The following PRKN variants were observed in gnomAD, a reference collection of about 807,000 sequenced individuals.
PRKN encodes the protein E3 ubiquitin-protein ligase parkin.
In PRKN, 56 loss-of-function variants were observed where a neutral mutation model predicts 59.5. That is an observed-to-expected ratio of 0.94 (90% CI 0.76 to 1.18). PRKN has a LOEUF of 1.18. PRKN is among the 50% of genes most tolerant of loss of function. PRKN has a pLI of 0.00. For synonymous variants in PRKN, 250 were observed against 222.1 expected, an observed-to-expected ratio of 1.13 and a Z score of -1.12; for missense variants, 657 against 596.4, an observed-to-expected ratio of 1.10 and a Z score of -1.06.
At chr6:161,845,371 A>G (rs1793158687) in intron 6 of PRKN, among the ~76,000 whole-genome samples, 1 of 152,204 alleles carries the variant, frequency 6.6e-6, no homozygotes, top group African/African-American at 2.4e-5. Context: ...GAAGCACTGA[A>G]CGACATTCTA....
At chr6:162,691,229 T>C (rs1777762538) in intron 1 of PRKN, among the ~76,000 whole-genome samples, 1 of 152,150 alleles carries the variant, frequency 6.6e-6, no homozygotes, top group Non-Finnish European at 1.5e-5. Flanking sequence ...GCAAAAGCAT[T>C]TCAATTAGAT....
chr6:162,202,987 G>A (rs1440711682), intron 3 of PRKN, among the ~76,000 whole-genome samples: 1 of 152,118 alleles, frequency 6.6e-6, no homozygotes, highest in Non-Finnish European at 1.5e-5. Context: ...AAAAAAGGAG[G>A]AAGAAAAGGA....
At chr6:162,148,694 CA>C (rs1342875354) in intron 4 of PRKN, among the ~76,000 whole-genome samples, 1 of 151,934 alleles carries the variant, frequency 6.6e-6, no homozygotes, top group Non-Finnish European at 1.5e-5. Context: ...GAAAGAAAAC[CA>C]TAATATGAAA....
intron 9 of PRKN, among the ~76,000 whole-genome samples, chr6:161,494,148 ATAAT>A (rs1286680989): frequency 2.6e-5 from 4 of 152,222 alleles, no homozygotes; most frequent in African/African-American, 9.6e-5. Flanking sequence ...TCAAACTTTC[ATAAT>A]TATTTGGCAG....
chr6:161,508,362 A>G (rs941175687), intron 9 of PRKN, among the ~76,000 whole-genome samples: 7 of 152,228 alleles, frequency 4.6e-5, no homozygotes, highest in African/African-American at 1.7e-4. Context: ...TAGGCAGAAC[A>G]AGATATAAAA....
chr6:161,826,199 T>G (rs1187130144), intron 6 of PRKN, among the ~76,000 whole-genome samples: 2 of 152,128 alleles, frequency 1.3e-5, no homozygotes, highest in Non-Finnish European at 2.9e-5. Flanking sequence ...TGACCTTGGG[T>G]CACTGCTCTG....
At chr6:161,601,656 C>T (rs1011196902) in intron 7 of PRKN, among the ~76,000 whole-genome samples, 4 of 150,970 alleles carry the variant, frequency 2.6e-5, no homozygotes, top group African/African-American at 9.7e-5. Context: ...GATCTCGGCT[C>T]ACTGCAAGCT....
At chr6:162,584,427 T>C (rs1380638323) in intron 1 of PRKN, among the ~76,000 whole-genome samples, 2 of 151,894 alleles carry the variant, frequency 1.3e-5, no homozygotes, top group African/African-American at 2.4e-5. Context: ...TTCAGAAAAA[T>C]TAGAATTCCT....
At chr6:162,651,837 T>G (rs1043964253) in intron 1 of PRKN, among the ~76,000 whole-genome samples, 2 of 139,380 alleles carry the variant, frequency 1.4e-5, no homozygotes, top group African/African-American at 6.1e-5. Flanking sequence ...ATTGCTATCT[T>G]TTTTGTATAG....
At chr6:162,102,706 A>G (rs1780022376) in intron 4 of PRKN, among the ~76,000 whole-genome samples, 1 of 145,100 alleles carries the variant, frequency 6.9e-6, no homozygotes, top group Non-Finnish European at 1.5e-5. Flanking sequence ...TCTAGAAGAA[A>G]TAGAGGGCAT....
At chr6:162,217,994 G>A (rs181336080) in intron 3 of PRKN, among the ~76,000 whole-genome samples, 1 of 152,150 alleles carries the variant, frequency 6.6e-6, no homozygotes, top group Admixed American at 6.5e-5. Flanking sequence ...TTTAGGGTGC[G>A]ATTGAGAGGT....
intron 5 of PRKN, among the ~76,000 whole-genome samples, chr6:161,990,782 T>C (rs1263090472): frequency 6.6e-6 from 1 of 152,102 alleles, no homozygotes; most frequent in Admixed American, 6.6e-5. Context: ...ACAAATGGAA[T>C]TTGGGGTGTT....
chr6:161,853,605 C>G (rs1023578693), intron 6 of PRKN, among the ~76,000 whole-genome samples: 1 of 152,164 alleles, frequency 6.6e-6, no homozygotes, highest in Non-Finnish European at 1.5e-5. Flanking sequence ...GCTAGGAATA[C>G]TGTCAGTTTG....
At chr6:161,740,790 G>A (rs890274515) in intron 7 of PRKN, among the ~76,000 whole-genome samples, 1 of 152,176 alleles carries the variant, frequency 6.6e-6, no homozygotes, top group Non-Finnish European at 1.5e-5. Flanking sequence ...ATTTATCAGG[G>A]CAATAACTTT....
intron 1 of PRKN, among the ~76,000 whole-genome samples, chr6:162,464,235 C>G (rs1023381059): frequency 1.3e-5 from 2 of 152,054 alleles, no homozygotes; most frequent in Non-Finnish European, 2.9e-5. Flanking sequence ...TTAGGTCTTT[C>G]TTTAATCAAA....
At chr6:161,835,286 A>T (rs1422447539) in intron 6 of PRKN, among the ~76,000 whole-genome samples, 1 of 152,076 alleles carries the variant, frequency 6.6e-6, no homozygotes, top group African/African-American at 2.4e-5. Flanking sequence ...AAGGGAACTG[A>T]CTTGAGCGTA....
chr6:161,836,266 A>T (rs1283628123), intron 6 of PRKN, among the ~76,000 whole-genome samples: 1 of 152,118 alleles, frequency 6.6e-6, no homozygotes, highest in Non-Finnish European at 1.5e-5. Flanking sequence ...GAGCCCTGCC[A>T]TATGTGGGCT....
At chr6:162,376,549 G>C (rs1290927608) in intron 2 of PRKN, among the ~76,000 whole-genome samples, 6 of 151,458 alleles carry the variant, frequency 4.0e-5, no homozygotes, top group Admixed American at 2.0e-4. Context: ...CCCTGAGAGA[G>C]AGGCAGCCTA....
rs71692740 is a variant in PRKN at position 162,359,059 on chromosome 6, CAA to C, written c.171+84249_171+84250del. 5.6e-3 allele frequency among the ~76,000 whole-genome samples: 523 copies of C among 92,568 alleles called. 1 individual carries two copies. Among genetic ancestry groups the C allele is most frequent in the East Asian group, 0.025 (63 of 2,536 alleles). 60.7% of individuals were successfully genotyped at this position (92,568 alleles called of 152,430 possible). Reference sequence around the variant, plus strand: ...TGGGTGACACAGTGACACACTGTGGCAAAAAAAAAAAAAAAAAAAAATATATA... The same window carrying C: ...TGGGTGACACAGTGACACACTGTGGCAAAAAAAAAAAAAAAAAAATATATA... On this transcript the variant is annotated intron_variant, in intron 2 of 11. Transcript: ENST00000366898.
Sources: gnomAD v4.1 joint callset for allele counts (sites outside exome capture counted in the v4.1 genomes callset) on GRCh38, gnomAD v4.1.1 for gene constraint, MANE v1.5 for transcripts, NCBI Gene and HGNC (gene_info 2026-07-23, HGNC 2026-07-21) for gene names.